GOLGA7: variants seen among roughly 807,000 people sequenced by gnomAD.
The protein encoded by GOLGA7 is golgin subfamily A member 7.
Under a neutral mutation model 21.1 loss-of-function variants are expected in GOLGA7, and 10 were observed. The ratio of observed to expected loss-of-function variants is 0.47; its 90% CI spans 0.29 to 0.80. GOLGA7 has a LOEUF of 0.80. Among genes scored for constraint, GOLGA7 ranks in the 30% least tolerant of loss-of-function variants. GOLGA7 has a pLI of 0.08. For synonymous variants in GOLGA7, 64 were observed against 62.6 expected (o/e 1.02, Z -0.10); for missense variants, 114 against 166.8 (o/e 0.68, Z 1.74).
intron 1 of GOLGA7, 104 bp from the exon 2 acceptor site, chr8:41,497,405 T>G: frequency 1.5e-6 from 1 of 653,302 alleles, no homozygotes; most frequent in East Asian, 2.6e-5. Context: ...ACCAAAAAAA[T>G]TGTCAACTAA....
At chr8:41,500,829 A>T (rs1806132810) in intron 2 of GOLGA7, among the ~76,000 whole-genome samples, 1 of 152,220 alleles carries the variant, frequency 6.6e-6, no homozygotes, top group Non-Finnish European at 1.5e-5. Context: ...TCCAGGCAAG[A>T]GTGAGATAGC....
At chr8:41,504,298 C>G (rs1269507516) in intron 2 of GOLGA7, among the ~76,000 whole-genome samples, 3 of 152,130 alleles carry the variant, frequency 2.0e-5, no homozygotes, top group Non-Finnish European at 4.4e-5. Flanking sequence ...AGGCATTTTT[C>G]TGAGTGTCTT....
chr8:41,491,235 C>T (rs1183780449), intron 1 of GOLGA7, among the ~76,000 whole-genome samples: 1 of 152,172 alleles, frequency 6.6e-6, no homozygotes, highest in Non-Finnish European at 1.5e-5. Context: ...AGCAGTGTTC[C>T]CCTGCTGCAC....
intron 2 of GOLGA7, among the ~76,000 whole-genome samples, chr8:41,505,114 C>G (rs1390308601): frequency 6.6e-6 from 1 of 152,208 alleles, no homozygotes; most frequent in Non-Finnish European, 1.5e-5. Flanking sequence ...TTATTTTCTT[C>G]TAGCTTATCT....
At chr8:41,493,183 G>C (rs1032190390) in intron 1 of GOLGA7, among the ~76,000 whole-genome samples, 1 of 152,184 alleles carries the variant, frequency 6.6e-6, no homozygotes, top group African/African-American at 2.4e-5. Flanking sequence ...GATTGTCTGT[G>C]TATGTGTGTT....
chr8:41,508,676 G>A (rs1806348541), intron 4 of GOLGA7, among the ~76,000 whole-genome samples: 1 of 152,198 alleles, frequency 6.6e-6, no homozygotes. Flanking sequence ...CACACCAGAG[G>A]CTAATCTATC....
chr8:41,493,635 C>T (rs755071337), intron 1 of GOLGA7, among the ~76,000 whole-genome samples: 3 of 152,150 alleles, frequency 2.0e-5, no homozygotes, highest in Non-Finnish European at 4.4e-5. Flanking sequence ...CATTTTTTCC[C>T]TTTAAAAATA....
chr8:41,499,540 G>C (rs140302655), intron 2 of GOLGA7, among the ~76,000 whole-genome samples: 1 of 152,130 alleles, frequency 6.6e-6, no homozygotes, highest in South Asian at 2.1e-4. Flanking sequence ...CTCGATGACC[G>C]AACTCTTCTC....
chr8:41,500,344 G>A (rs1806120449), intron 2 of GOLGA7, among the ~76,000 whole-genome samples: 1 of 152,184 alleles, frequency 6.6e-6, no homozygotes, highest in Admixed American at 6.5e-5. Flanking sequence ...AGGATGAAAA[G>A]CCTGGGGCAT....
Position 41,490,876 on chromosome 8 carries a change from G to C in GOLGA7, c.22G>C (p.Val8Leu). 1 of 1,599,092 alleles carries C rather than the reference G, an allele frequency of 6.3e-7. No individual in the cohort carries two copies. The highest frequency in any genetic ancestry group is 8.5e-7 in the Non-Finnish European group (1 of 1,172,442). ...CGCCATGAGGCCGCAGCAGGCGCCG[G>C]TGTCCGGAAAGGTGTTCATTCAGCG... MRPQQAPVSGKVFIQRDY... is the reference protein window; with the variant it reads MRPQQAPLSGKVFIQRDY... Residue 8 changes from valine to leucine, a missense_variant, in exon 1 of 5, where the codon GTG becomes CTG. Transcript: ENST00000357743.
intron 4 of GOLGA7, among the ~76,000 whole-genome samples, chr8:41,508,850 G>A (rs1452153034): frequency 6.6e-6 from 1 of 152,152 alleles, no homozygotes; most frequent in Non-Finnish European, 1.5e-5. Context: ...TTAGAGAAGG[G>A]GAGGAAACTC....
In GOLGA7 at chr8:41,501,794, C is replaced by T. The variant is rs1272406109; in HGVS notation, c.265-4117C>T. On this transcript the variant is annotated intron_variant, in intron 2 of 4. Transcript: ENST00000357743. ...TTTCAAGTATAAGTAATCTTTTAGC[C>T]AGCCGCTAGTTTATTTGGGTGCTGA... Among the ~76,000 whole-genome samples, 4 of 152,292 alleles carry T rather than the reference C, an allele frequency of 2.6e-5. No individual in the cohort carries two copies. The East Asian group carries it at 7.7e-4, about 29-fold the overall frequency.
chr8:41,495,654 GAAAA>G (rs763423574), intron 1 of GOLGA7, among the ~76,000 whole-genome samples: 1 of 130,526 alleles, frequency 7.7e-6, no homozygotes, highest in African/African-American at 2.8e-5. Context: ...CAGGAAAGGA[GAAAA>G]AAAAAAAGCC....
intron 1 of GOLGA7, among the ~76,000 whole-genome samples, chr8:41,494,102 T>TTTTG (rs772141621): frequency 2.0e-5 from 3 of 152,258 alleles, no homozygotes; most frequent in Non-Finnish European, 2.9e-5. Flanking sequence ...ATTAACCTTT[T>TTTTG]TTTGTTTGTT....
chr8:41,491,016 C>T (rs1294675006), intron 1 of GOLGA7, 51 bp downstream of exon 1: 1 of 1,059,692 alleles, frequency 9.4e-7, no homozygotes, highest in Non-Finnish European at 1.4e-6. Context: ...AGAGACTCAC[C>T]GGGGACGGGA....
rs1201308859 is a variant in GOLGA7, at chr8:41,497,585, A to G, written c.188A>G (p.Gln63Arg). 2 of 1,587,042 alleles carry G rather than the reference A, an allele frequency of 1.3e-6. No homozygotes were observed. Among genetic ancestry groups the G allele is most frequent in the South Asian group, 2.2e-5 (2 of 90,508 alleles). The change falls in exon 2 of 5, where the codon CAG (glutamine) becomes CGG (arginine). Residue 63 changes from glutamine to arginine, a missense_variant. Gln to Arg is a conservative substitution (Grantham distance 43). Coordinates refer to ENST00000357743, the MANE Select transcript of GOLGA7 (RefSeq NM_001002296.2). ...LYAEAEKLGGQSYLEGCLACL... is the reference protein window; with the variant it reads ...LYAEAEKLGGRSYLEGCLACL... ...GCAGAAGCAGAGAAGCTCGGCGGCC[A>G]GTCATATCTCGAAGGTTGTTTGGCT...
chr8:41,496,209 A>T (rs1010603932), intron 1 of GOLGA7, among the ~76,000 whole-genome samples: 1 of 152,120 alleles, frequency 6.6e-6, no homozygotes, highest in Non-Finnish European at 1.5e-5. Flanking sequence ...GCACGCTTGC[A>T]TGGGAGAATC....
At chr8:41,503,466 T>G (rs1806199638) in intron 2 of GOLGA7, among the ~76,000 whole-genome samples, 1 of 99,578 alleles carries the variant, frequency 1.0e-5, no homozygotes, top group Non-Finnish European at 2.0e-5. Flanking sequence ...CTTTTGGTGT[T>G]TTGGACATGA....
intron 1 of GOLGA7, among the ~76,000 whole-genome samples, chr8:41,492,359 G>A (rs1585592869): frequency 6.6e-6 from 1 of 152,222 alleles, no homozygotes; most frequent in African/African-American, 2.4e-5. Flanking sequence ...TGTTTTACAT[G>A]TTAAGATTGA....
Sources: allele counts gnomAD v4.1 joint callset (sites outside exome capture counted in the v4.1 genomes callset), GRCh38; gene constraint gnomAD v4.1.1; transcripts MANE v1.5; gene names NCBI Gene and HGNC (gene_info 2026-07-23, HGNC 2026-07-21).